FAM184B: variants seen among roughly 807,000 people sequenced by gnomAD.
FAM184B encodes protein FAM184B.
A neutral mutation model predicts 135.9 loss-of-function variants in FAM184B; 111 were observed. The ratio of observed to expected loss-of-function variants is 0.82; its 90% CI spans 0.70 to 0.96. FAM184B has a LOEUF of 0.96. Among genes scored for constraint, FAM184B ranks in the 40% least tolerant of loss-of-function variants. FAM184B has a pLI of 0.00. For missense variants in FAM184B, 1,375 were observed against 1,323.9 expected (o/e 1.04, Z -0.60); for synonymous variants, 552 against 524.8 (o/e 1.05, Z -0.71).
chr4:17,777,494 A>T (rs1052200079), intron 1 of FAM184B, among the ~76,000 whole-genome samples: 12 of 152,168 alleles, frequency 7.9e-5, no homozygotes, highest in Admixed American at 1.3e-4. Context: ...TGTAAATATT[A>T]AAAAAACTGT....
chr4:17,716,184 G>A (rs1717398478), intron 1 of FAM184B, among the ~76,000 whole-genome samples: 1 of 152,132 alleles, frequency 6.6e-6, no homozygotes, highest in African/African-American at 2.4e-5. Flanking sequence ...GGAGATGTGT[G>A]CAAGTGTTCA....
intron 7 of FAM184B, among the ~76,000 whole-genome samples, chr4:17,682,688 G>A (rs1459163348): frequency 2.0e-5 from 3 of 151,942 alleles, no homozygotes; most frequent in African/African-American, 4.8e-5. Context: ...CAGTAGAGAC[G>A]AGGTTTTGCC....
intron 1 of FAM184B, among the ~76,000 whole-genome samples, chr4:17,721,261 G>C (rs1307124006): frequency 6.6e-6 from 1 of 151,658 alleles, no homozygotes; most frequent in East Asian, 1.9e-4. Context: ...GCGGACGCCT[G>C]TAGTCCCAGC....
intron 1 of FAM184B, among the ~76,000 whole-genome samples, chr4:17,758,238 A>G (rs76886432): frequency 0.049 from 7,525 of 152,252 alleles, 606 homozygotes; most frequent in African/African-American, 0.17. Context: ...ATTTCATTAT[A>G]TATTGTTTTT....
rs1178308515 is a variant in FAM184B, at chr4:17,746,428, C to A, written c.141+34731G>T. Among the ~76,000 whole-genome samples, 3 of 151,976 alleles carry A rather than the reference C, an allele frequency of 2.0e-5. 1 individual carries two copies. The East Asian group carries it at 5.8e-4, about 30-fold the overall frequency. ...ATACAGAAGAGTCCCTTGGGAATGG[C>A]TTAAAAAAGTAGATTCCTTTGGCAG... On this transcript the variant is annotated intron_variant, in intron 1 of 17. Transcript: ENST00000265018.
chr4:17,637,578 A>G (rs970331384), intron 14 of FAM184B, among the ~76,000 whole-genome samples: 5 of 152,200 alleles, frequency 3.3e-5, no homozygotes, highest in Non-Finnish European at 5.9e-5. Flanking sequence ...ATTCAATGTG[A>G]TAATGGGAGC....
chr4:17,704,365 A>G (rs1717059721), intron 5 of FAM184B, among the ~76,000 whole-genome samples: 1 of 152,216 alleles, frequency 6.6e-6, no homozygotes, highest in African/African-American at 2.4e-5. Flanking sequence ...GTGGAACAGC[A>G]CACAGAGACA....
At position 17,632,453 on chromosome 4, in the gene FAM184B, T is replaced by A; in HGVS notation, c.*79A>T. 1 of 1,206,082 alleles carries A rather than the reference T, an allele frequency of 8.3e-7. No individual in the cohort carries two copies. Among genetic ancestry groups the A allele is most frequent in the Non-Finnish European group, 1.2e-6 (1 of 851,640 alleles). 74.7% of individuals were successfully genotyped at this position (1,206,082 alleles called of 1,614,324 possible). On this transcript the variant is annotated 3_prime_UTR_variant, in exon 18 of 18. Transcript: ENST00000265018. ...ATAAGCATATTATTTGGTTGGTTGG[T>A]GTTAGTTCATTCCTTCAATCGGATG...
intron 13 of FAM184B, 110 bp downstream of exon 13, chr4:17,641,946 G>C (rs1466505925): frequency 2.1e-6 from 3 of 1,404,444 alleles, no homozygotes; most frequent in African/African-American, 1.5e-5. Flanking sequence ...AGGATGCCGA[G>C]GCAGTGACCC....
intron 1 of FAM184B, among the ~76,000 whole-genome samples, chr4:17,748,312 C>G (rs927100857): frequency 5.9e-5 from 9 of 151,664 alleles, no homozygotes; most frequent in Non-Finnish European, 1.2e-4. Flanking sequence ...TTTGGCAACC[C>G]CCCACCTGCC....
intron 7 of FAM184B, among the ~76,000 whole-genome samples, chr4:17,677,132 C>T (rs1716328955): frequency 6.6e-6 from 1 of 152,150 alleles, no homozygotes; most frequent in African/African-American, 2.4e-5. Context: ...ACTGCAACCT[C>T]TGCCTCCTGG....
chr4:17,708,270 T>C (rs1190385913), intron 2 of FAM184B, among the ~76,000 whole-genome samples: 2 of 152,084 alleles, frequency 1.3e-5, no homozygotes, highest in Non-Finnish European at 2.9e-5. Flanking sequence ...GTTTCCAAGT[T>C]CTCCAACGTT....
At chr4:17,760,911 G>A (rs1013749805) in intron 1 of FAM184B, among the ~76,000 whole-genome samples, 10 of 152,218 alleles carry the variant, frequency 6.6e-5, no homozygotes, top group African/African-American at 2.4e-4. Flanking sequence ...CAATGTCAAA[G>A]GTTGCTTCCA....
intron 10 of FAM184B, among the ~76,000 whole-genome samples, chr4:17,654,355 T>TA (rs1553830108): frequency 2.0e-5 from 3 of 151,858 alleles, no homozygotes; most frequent in African/African-American, 7.3e-5. Context: ...AAACTCTTTT[T>TA]TATATATATA....
At chr4:17,768,025 T>C (rs1350472112) in intron 1 of FAM184B, among the ~76,000 whole-genome samples, 1 of 152,236 alleles carries the variant, frequency 6.6e-6, no homozygotes. Context: ...TATAAATGAA[T>C]GGGCATGGCT....
intron 1 of FAM184B, among the ~76,000 whole-genome samples, chr4:17,718,643 G>C (rs956475569): frequency 2.0e-5 from 3 of 152,188 alleles, no homozygotes; most frequent in Non-Finnish European, 4.4e-5. Flanking sequence ...GCAAGCAAAG[G>C]CTTTTGATAT....
At chr4:17,665,869 C>T (rs570402745) in intron 7 of FAM184B, among the ~76,000 whole-genome samples, 1 of 151,580 alleles carries the variant, frequency 6.6e-6, no homozygotes, top group African/African-American at 2.4e-5. Context: ...CTTTGTGCAG[C>T]CTTCATTCCT....
chr4:17,636,937 C>A (rs921924624), intron 14 of FAM184B, among the ~76,000 whole-genome samples: 3 of 152,192 alleles, frequency 2.0e-5, no homozygotes, highest in Admixed American at 6.5e-5. Context: ...GAGAACAGAC[C>A]AGGGCAGGAA....
chr4:17,680,878 G>A (rs1361576712), intron 7 of FAM184B, among the ~76,000 whole-genome samples: 1 of 152,110 alleles, frequency 6.6e-6, no homozygotes, highest in African/African-American at 2.4e-5. Context: ...CCACGCCCAG[G>A]AAATCTCCTA....
Sources: gnomAD v4.1 joint callset for allele counts (sites outside exome capture counted in the v4.1 genomes callset) on GRCh38, gnomAD v4.1.1 for gene constraint, MANE v1.5 for transcripts, NCBI Gene and HGNC (gene_info 2026-07-23, HGNC 2026-07-21) for gene names.